Variants in ARHGEF3 observed in about 807,000 individuals in gnomAD.
The protein encoded by ARHGEF3 is 59.8 kDA protein.
Under a neutral mutation model 63.2 loss-of-function variants are expected in ARHGEF3, and 28 were observed. The ratio of observed to expected loss-of-function variants is 0.44; its 90% CI spans 0.33 to 0.61. ARHGEF3 has a LOEUF of 0.61. Among genes scored for constraint, ARHGEF3 ranks in the 20% least tolerant of loss-of-function variants. The probability of loss-of-function intolerance (pLI) is 0.03; values close to 1 mark genes in which losing one functional copy is unlikely to be tolerated. For synonymous variants in ARHGEF3, 266 were observed against 254.2 expected, an observed-to-expected ratio of 1.05 and a Z score of -0.44; for missense variants, 533 against 659.3, an observed-to-expected ratio of 0.81 and a Z score of 2.10.
chr3:57,014,116 G>A (rs550360923), intron 2 of ARHGEF3, among the ~76,000 whole-genome samples: 2 of 151,896 alleles, frequency 1.3e-5, no homozygotes, highest in South Asian at 2.1e-4. Flanking sequence ...CTCCAGACGT[G>A]ACCCCTTAAG....
At chr3:56,986,695 T>C (rs934157794) in intron 2 of ARHGEF3, among the ~76,000 whole-genome samples, 1 of 151,790 alleles carries the variant, frequency 6.6e-6, no homozygotes, top group African/African-American at 2.4e-5. Context: ...GCTCTCCAGA[T>C]GGCTGGTCAC....
chr3:56,843,981 T>A (rs2039402388), intron 4 of ARHGEF3, among the ~76,000 whole-genome samples: 1 of 152,154 alleles, frequency 6.6e-6, no homozygotes, highest in Non-Finnish European at 1.5e-5. Flanking sequence ...TCATTAAACA[T>A]CCATGAATCT....
At chr3:56,968,157 TATATATTATATAATATATATAA>T (rs1700696481) in intron 2 of ARHGEF3, among the ~76,000 whole-genome samples, 1 of 28,720 alleles carries the variant, frequency 3.5e-5, no homozygotes, top group African/African-American at 9.4e-5. Flanking sequence ...TATATAAAAA[TATATATTATATAATATATATAA>T]AAATATATAT....
intron 2 of ARHGEF3, among the ~76,000 whole-genome samples, chr3:57,018,649 T>A (rs908250378): frequency 1.2e-4 from 18 of 152,194 alleles, no homozygotes; most frequent in African/African-American, 4.3e-4. Flanking sequence ...GTGTTCACAT[T>A]TGGGGGAGGT....
At chr3:57,007,540 C>T (rs1212048857) in intron 2 of ARHGEF3, among the ~76,000 whole-genome samples, 2 of 152,220 alleles carry the variant, frequency 1.3e-5, no homozygotes, top group East Asian at 1.9e-4. Context: ...TGCTTTGACC[C>T]GAACACACAA....
chr3:57,025,256 G>C (rs1369075301), intron 2 of ARHGEF3, among the ~76,000 whole-genome samples: 1 of 152,196 alleles, frequency 6.6e-6, no homozygotes, highest in Non-Finnish European at 1.5e-5. Context: ...AGGGACTCTG[G>C]ATCCTGAAGA....
At chr3:56,817,911 C>T (rs1662654894) in intron 4 of ARHGEF3, among the ~76,000 whole-genome samples, 1 of 152,190 alleles carries the variant, frequency 6.6e-6, no homozygotes, top group African/African-American at 2.4e-5. Context: ...GAAGGCCACG[C>T]ATGGGGGATC....
chr3:56,743,064 A>G (rs977488511), intron 7 of ARHGEF3, among the ~76,000 whole-genome samples: 31 of 152,114 alleles, frequency 2.0e-4, no homozygotes, highest in African/African-American at 7.2e-4. Context: ...CAGACCACAC[A>G]CTTGCTGGGA....
intron 3 of ARHGEF3, among the ~76,000 whole-genome samples, chr3:56,753,775 GAA>G (rs1403688366): frequency 1.3e-5 from 2 of 152,208 alleles, no homozygotes; most frequent in East Asian, 3.8e-4. Flanking sequence ...GTTTGTGGGA[GAA>G]AGTTTCTACA....
intron 4 of ARHGEF3, among the ~76,000 whole-genome samples, chr3:56,870,422 A>G (rs1323889126): frequency 6.6e-6 from 1 of 152,198 alleles, no homozygotes; most frequent in African/African-American, 2.4e-5. Context: ...AAAAAGGCAA[A>G]AGTATGGAGA....
Position 56,795,644 on chromosome 3 carries a change from A to G in ARHGEF3, c.96+6059T>C, listed in dbSNP as rs1221245260. On this transcript the variant is annotated intron_variant, in intron 1 of 9. Coordinates refer to ENST00000296315, the MANE Select transcript of ARHGEF3 (RefSeq NM_019555.3). ...ACCTTTCCTGATTAACTTGTGACAC[A>G]GTCTCTCTCTCTTTTTTTTTTTTGA... is the stretch of plus-strand genomic sequence containing the variant. 5.6e-4 allele frequency among the ~76,000 whole-genome samples: 61 copies of G among 108,412 alleles called. 1 individual carries two copies. The highest frequency in any genetic ancestry group is 4.6e-4 in the Admixed American group (5 of 10,790). 71.1% of individuals were successfully genotyped at this position (108,412 alleles called of 152,430 possible).
At position 56,739,205 on chromosome 3, in the gene ARHGEF3, T is replaced by C. The variant is rs144391029; in HGVS notation, c.871-1850A>G. Among the ~76,000 whole-genome samples the C allele has an allele frequency of 1.1e-3, 167 of 152,282 alleles. 1 individual carries two copies. The highest frequency in any genetic ancestry group is 3.4e-3 in the Middle Eastern group (1 of 294). ...ACCAACAGTCCCATTGTTCTTGTGGTGGTAACTGAAAAGTACTTAACAGAT... is the reference window on the plus strand; with the variant it reads ...ACCAACAGTCCCATTGTTCTTGTGGCGGTAACTGAAAAGTACTTAACAGAT... On this transcript the variant is annotated intron_variant, in intron 7 of 9. Coordinates refer to ENST00000296315, the MANE Select transcript of ARHGEF3 (RefSeq NM_019555.3).
At chr3:56,775,200 C>A in intron 1 of ARHGEF3, 1 of 1,460,394 alleles carries the variant, frequency 6.8e-7, no homozygotes. Flanking sequence ...TTCAGATTCT[C>A]CAGGATATTT....
intron 2 of ARHGEF3, among the ~76,000 whole-genome samples, chr3:57,032,828 A>G (rs538921688): frequency 6.6e-6 from 1 of 152,134 alleles, no homozygotes; most frequent in Admixed American, 6.5e-5. Flanking sequence ...CTGGGGGAGT[A>G]TAAGTATACT....
At chr3:56,742,215 G>T (rs567629783) in intron 7 of ARHGEF3, among the ~76,000 whole-genome samples, 1 of 152,014 alleles carries the variant, frequency 6.6e-6, no homozygotes, top group Non-Finnish European at 1.5e-5. Flanking sequence ...TGGTGAGGTG[G>T]GGGGAAGGGA....
intron 1 of ARHGEF3, among the ~76,000 whole-genome samples, chr3:57,070,858 G>C (rs755062932): frequency 6.6e-6 from 1 of 151,718 alleles, no homozygotes; most frequent in African/African-American, 2.4e-5. Context: ...TGTAGTCCCA[G>C]CTACTTGGGA....
chr3:56,951,295 A>AG (rs995320204), intron 3 of ARHGEF3, among the ~76,000 whole-genome samples: 5 of 152,044 alleles, frequency 3.3e-5, no homozygotes, highest in African/African-American at 1.2e-4. Flanking sequence ...AAGAAAGGAA[A>AG]GAAAAAAAAG....
upstream of ARHGEF3, among the ~76,000 whole-genome samples, chr3:56,802,594 G>A (rs74802055): frequency 1.3e-5 from 2 of 151,998 alleles, no homozygotes; most frequent in African/African-American, 2.4e-5. Flanking sequence ...AAATTCCCTC[G>A]AGACCTTTCC....
chr3:57,058,623 C>T (rs1396456462), intron 1 of ARHGEF3, among the ~76,000 whole-genome samples: 1 of 152,090 alleles, frequency 6.6e-6, no homozygotes, highest in Non-Finnish European at 1.5e-5. Flanking sequence ...TACCATTTGA[C>T]CCAGCCATCC....
Sources: allele counts gnomAD v4.1 joint callset (sites outside exome capture counted in the v4.1 genomes callset), GRCh38; gene constraint gnomAD v4.1.1; transcripts MANE v1.5; gene names NCBI Gene and HGNC (gene_info 2026-07-23, HGNC 2026-07-21).